Variants in GABRB1 observed in about 807,000 individuals in gnomAD.
The protein encoded by GABRB1 is gamma-aminobutyric acid type A receptor subunit beta1.
Under a neutral mutation model 51.6 loss-of-function variants are expected in GABRB1, and 17 were observed. The ratio of observed to expected loss-of-function variants is 0.33; its 90% CI spans 0.23 to 0.49. The LOEUF is 0.49. Among genes scored for constraint, GABRB1 ranks in the 20% least tolerant of loss-of-function variants. The pLI is 0.99. For synonymous variants in GABRB1, 247 were observed against 218.9 expected, an observed-to-expected ratio of 1.13 and a Z score of -1.14; for missense variants, 410 against 600.6, an observed-to-expected ratio of 0.68 and a Z score of 3.32.
At chr4:47,123,318 T>TATATATATTAGATAGTATTATATA (rs1715873304) in intron 3 of GABRB1, among the ~76,000 whole-genome samples, 1 of 136,466 alleles carries the variant, frequency 7.3e-6, no homozygotes, top group Non-Finnish European at 1.5e-5. Flanking sequence ...TATATAATAT[T>TATATATATTAGATAGTATTATATA]ATATATATTA....
intron 3 of GABRB1, among the ~76,000 whole-genome samples, chr4:47,134,692 A>T (rs1716564159): frequency 6.6e-6 from 1 of 152,196 alleles, no homozygotes; most frequent in African/African-American, 2.4e-5. Flanking sequence ...GTCTTGAAGT[A>T]GAGATAAAGA....
intron 5 of GABRB1, among the ~76,000 whole-genome samples, chr4:47,332,239 C>T (rs1161521075): frequency 2.0e-5 from 3 of 152,212 alleles, no homozygotes; most frequent in Non-Finnish European, 2.9e-5. Flanking sequence ...AACCCTTTCT[C>T]TTCTAAATGG....
intron 4 of GABRB1, among the ~76,000 whole-genome samples, chr4:47,313,381 A>C (rs1284739859): frequency 6.6e-6 from 1 of 152,216 alleles, no homozygotes; most frequent in Non-Finnish European, 1.5e-5. Context: ...CAATCTTTTC[A>C]ATTTATAATC....
chr4:47,356,089 T>C (rs1371162470), intron 5 of GABRB1, among the ~76,000 whole-genome samples: 1 of 152,200 alleles, frequency 6.6e-6, no homozygotes, highest in Non-Finnish European at 1.5e-5. Flanking sequence ...CAATAGATTA[T>C]TGTTGAATGA....
intron 4 of GABRB1, among the ~76,000 whole-genome samples, chr4:47,219,646 T>C (rs903058004): frequency 6.6e-6 from 1 of 151,898 alleles, no homozygotes; most frequent in African/African-American, 2.4e-5. Context: ...AACATTCATG[T>C]TGTAAACTTC....
chr4:47,336,897 G>A (rs1365380670), intron 5 of GABRB1, among the ~76,000 whole-genome samples: 3 of 152,226 alleles, frequency 2.0e-5, no homozygotes, highest in Admixed American at 2.0e-4. Context: ...ATGGGAGTGA[G>A]TGGTGAGGTG....
intron 5 of GABRB1, among the ~76,000 whole-genome samples, chr4:47,368,571 T>C (rs1727074406): frequency 6.6e-6 from 1 of 152,156 alleles, no homozygotes; most frequent in Non-Finnish European, 1.5e-5. Flanking sequence ...AATCTTGCTC[T>C]AGGACAATTC....
At chr4:47,388,107 T>C (rs891823424) in intron 5 of GABRB1, among the ~76,000 whole-genome samples, 3 of 152,210 alleles carry the variant, frequency 2.0e-5, no homozygotes, top group African/African-American at 7.2e-5. Flanking sequence ...AAACGGATTA[T>C]TGGCTCCAAA....
intron 1 of GABRB1, among the ~76,000 whole-genome samples, chr4:47,008,709 C>T (rs916067103): frequency 6.7e-6 from 1 of 148,930 alleles, no homozygotes; most frequent in Non-Finnish European, 1.5e-5. Flanking sequence ...GAACTCCTGA[C>T]CTCAAGTGAT....
chr4:47,294,615 G>T (rs1401867616), intron 4 of GABRB1, among the ~76,000 whole-genome samples: 2 of 152,242 alleles, frequency 1.3e-5, no homozygotes, highest in African/African-American at 2.4e-5. Flanking sequence ...GCTCGAATTG[G>T]GTGGAGCCCA....
intron 5 of GABRB1, among the ~76,000 whole-genome samples, chr4:47,384,536 A>G (rs906086569): frequency 2.6e-5 from 4 of 152,186 alleles, no homozygotes; most frequent in African/African-American, 9.6e-5. Flanking sequence ...AACCAAAAAT[A>G]CCATAGAGAT....
intron 3 of GABRB1, among the ~76,000 whole-genome samples, chr4:47,060,650 T>C (rs901684471): frequency 2.0e-5 from 3 of 152,210 alleles, no homozygotes; most frequent in African/African-American, 7.2e-5. Context: ...AGTGGCATGC[T>C]TTGTCTCCTT....
At chr4:47,017,588 G>A (rs1724786805) in intron 1 of GABRB1, among the ~76,000 whole-genome samples, 2 of 152,072 alleles carry the variant, frequency 1.3e-5, no homozygotes, top group Non-Finnish European at 2.9e-5. Flanking sequence ...AAGAGTAGCT[G>A]TAACCAGGAA....
In GABRB1 at chr4:47,183,321, A is replaced by G. The variant is rs1159224439; in HGVS notation, c.461+21852A>G. Among the ~76,000 whole-genome samples, 4 of 139,334 alleles carry G rather than the reference A, an allele frequency of 2.9e-5. 1 individual carries two copies. The allele number at this position is 139,334 out of a possible 152,430, so 91.4% of individuals were successfully genotyped here. On this transcript the variant is annotated intron_variant, in intron 4 of 8. Transcript: ENST00000295454. ...CACATATATATGAACTGATTATATA[A>G]CATCTTATCTGTATGTGTGTGTGCA... is the stretch of plus-strand genomic sequence containing the variant.
intron 3 of GABRB1, among the ~76,000 whole-genome samples, chr4:47,120,572 A>C (rs1715731306): frequency 6.6e-6 from 1 of 152,130 alleles, no homozygotes; most frequent in Non-Finnish European, 1.5e-5. Flanking sequence ...ACAGCTGTGA[A>C]TATTCTGGGT....
At position 47,092,838 on chromosome 4, in the gene GABRB1, C is replaced by T. The variant is rs1714147678; in HGVS notation, c.240+60354C>T. ...CCATCTTGGCCAGGCTGCTCTTGAA[C>T]TCCTGACCTCGTGATTCACCCGCTT... On this transcript the variant is annotated intron_variant, in intron 3 of 8. Coordinates refer to ENST00000295454, the MANE Select transcript of GABRB1 (RefSeq NM_000812.4). 2.6e-5 allele frequency among the ~76,000 whole-genome samples: 4 copies of T among 152,234 alleles called. No individual in the cohort carries two copies. In the South Asian group the frequency reaches 8.3e-4, roughly 32 times the overall value.
intron 5 of GABRB1, among the ~76,000 whole-genome samples, chr4:47,329,929 C>T (rs1725413649): frequency 6.6e-6 from 1 of 152,024 alleles, no homozygotes; most frequent in Non-Finnish European, 1.5e-5. Flanking sequence ...CTGACGATCT[C>T]AAGATCTACA....
rs551876741 is a variant in GABRB1, at chr4:47,174,041, T to G, written c.461+12572T>G. On this transcript the variant is annotated intron_variant, in intron 4 of 8. Transcript: ENST00000295454. ...TCCAAGTCTCTGTTCAATTGTTCCC[T>G]TTTTTGTTTTTTTTGTTCCCTTTTC... 2.7e-3 allele frequency among the ~76,000 whole-genome samples: 409 copies of G among 152,230 alleles called. 3 individuals are homozygous for G. Among genetic ancestry groups the G allele is most frequent in the African/African-American group, 8.9e-3 (368 of 41,560 alleles).
rs118155983 is a variant in GABRB1 at position 47,324,073 on chromosome 4, T to C, written c.544+3864T>C. Among the ~76,000 whole-genome samples, 16 of 152,230 alleles carry C rather than the reference T, an allele frequency of 1.1e-4. No homozygotes were observed. The East Asian group carries it at 3.1e-3, about 29-fold the overall frequency. ...ATCAGGTAGTGCAGATTAAAAAAGA[T>C]CCGGACCTTAATCTCATCCACTCAT... On this transcript the variant is annotated intron_variant, in intron 5 of 8. Transcript: ENST00000295454.
Sources: gnomAD v4.1 joint callset for allele counts (sites outside exome capture counted in the v4.1 genomes callset) on GRCh38, gnomAD v4.1.1 for gene constraint, MANE v1.5 for transcripts, NCBI Gene and HGNC (gene_info 2026-07-23, HGNC 2026-07-21) for gene names.